The following CLSTN2 variants were observed in gnomAD, a reference collection of about 807,000 sequenced individuals.
The protein encoded by CLSTN2 is calsyntenin 2, also known as calsyntenin-2.
In CLSTN2, 48 loss-of-function variants were observed where a neutral mutation model predicts 101.2. The observed-to-expected ratio is 0.47, with a 90% confidence interval of 0.38 to 0.60. The LOEUF is 0.60. CLSTN2 is among the 20% of genes least tolerant of loss of function. The probability of loss-of-function intolerance (pLI) is 0.00; values close to 1 mark genes in which losing one functional copy is unlikely to be tolerated. For synonymous variants in CLSTN2, 481 were observed against 463.6 expected (o/e 1.04, Z -0.48); for missense variants, 1,160 against 1,238.2 (o/e 0.94, Z 0.95).
At chr3:140,139,966 A>G (rs905224202) in intron 1 of CLSTN2, among the ~76,000 whole-genome samples, 1 of 152,226 alleles carries the variant, frequency 6.6e-6, no homozygotes, top group Non-Finnish European at 1.5e-5. Flanking sequence ...AAGAGGGAAC[A>G]GTGGCATGTA....
At chr3:140,259,315 A>C (rs189041173) in intron 2 of CLSTN2, among the ~76,000 whole-genome samples, 1 of 152,126 alleles carries the variant, frequency 6.6e-6, no homozygotes, top group African/African-American at 2.4e-5. Flanking sequence ...CTCTACTAAA[A>C]ATACAAAAAT....
intron 2 of CLSTN2, among the ~76,000 whole-genome samples, chr3:140,300,695 C>G (rs2087049766): frequency 6.6e-6 from 1 of 152,100 alleles, no homozygotes; most frequent in African/African-American, 2.4e-5. Context: ...ACTCTTTCAA[C>G]TCAAGATATC....
chr3:140,031,959 A>T (rs575179809), intron 1 of CLSTN2, among the ~76,000 whole-genome samples: 49 of 152,208 alleles, frequency 3.2e-4, no homozygotes, highest in Non-Finnish European at 6.2e-4. Flanking sequence ...AAGAGGTTAG[A>T]CTCCAGGGTT....
chr3:140,541,617 G>A (rs536256499), intron 9 of CLSTN2, among the ~76,000 whole-genome samples: 7 of 152,260 alleles, frequency 4.6e-5, no homozygotes, highest in East Asian at 1.9e-4. Flanking sequence ...AGGAACATCC[G>A]TGGTCCATCT....
chr3:140,386,215 G>A (rs1009387970), intron 2 of CLSTN2, among the ~76,000 whole-genome samples: 2 of 152,206 alleles, frequency 1.3e-5, no homozygotes, highest in Non-Finnish European at 2.9e-5. Context: ...ATTGAGACAG[G>A]AGAAGTTAAC....
intron 1 of CLSTN2, among the ~76,000 whole-genome samples, chr3:140,175,647 C>T (rs774751744): frequency 3.3e-5 from 5 of 152,118 alleles, no homozygotes; most frequent in Non-Finnish European, 7.4e-5. Flanking sequence ...ACTGGGTATC[C>T]AGACATACAA....
chr3:140,402,560 C>T lies in CLSTN2; in HGVS notation c.233-1069C>T, dbSNP rs140082626. Among the ~76,000 whole-genome samples, 763 of 152,270 alleles carry T rather than the reference C, an allele frequency of 5.0e-3. 3 individuals are homozygous for T. The highest frequency in any genetic ancestry group is 6.4e-3 in the Non-Finnish European group (433 of 68,020). ...CTTCTCTTCACTGTGTCAGCTCTTA[C>T]GAATAGTTGGGCAGGACCTGGACTA... is the stretch of plus-strand genomic sequence containing the variant. On this transcript the variant is annotated intron_variant, in intron 2 of 16. Transcript: ENST00000458420.
intron 2 of CLSTN2, among the ~76,000 whole-genome samples, chr3:140,269,505 G>A (rs779195471): frequency 3.2e-4 from 48 of 152,138 alleles, no homozygotes; most frequent in Non-Finnish European, 6.5e-4. Context: ...GATTAGACTT[G>A]GTATTAATTA....
intron 1 of CLSTN2, among the ~76,000 whole-genome samples, chr3:140,029,302 A>C (rs1446883655): frequency 6.6e-6 from 1 of 152,212 alleles, no homozygotes; most frequent in African/African-American, 2.4e-5. Flanking sequence ...ATTCTTTGCC[A>C]ATTCTTTTCC....
At chr3:140,481,855 C>T (rs1354017843) in intron 8 of CLSTN2, among the ~76,000 whole-genome samples, 3 of 152,192 alleles carry the variant, frequency 2.0e-5, no homozygotes, top group East Asian at 1.9e-4. Flanking sequence ...TGGGCTGAGA[C>T]GATGGGGTTT....
chr3:140,344,727 T>A (rs1313916067), intron 2 of CLSTN2, among the ~76,000 whole-genome samples: 1 of 152,150 alleles, frequency 6.6e-6, no homozygotes, highest in Non-Finnish European at 1.5e-5. Context: ...CTTGCACATA[T>A]AAACCTCATC....
chr3:140,496,828 C>A (rs552644028), intron 8 of CLSTN2, among the ~76,000 whole-genome samples: 1 of 152,182 alleles, frequency 6.6e-6, no homozygotes, highest in Non-Finnish European at 1.5e-5. Flanking sequence ...TCTAGCCGGG[C>A]GCGGTGGCTC....
At chr3:140,338,053 C>T (rs1159410545) in intron 2 of CLSTN2, among the ~76,000 whole-genome samples, 1 of 152,120 alleles carries the variant, frequency 6.6e-6, no homozygotes, top group Admixed American at 6.5e-5. Context: ...ATTGAAAATG[C>T]TAATTTCTAG....
At chr3:140,263,497 G>A (rs1279099337) in intron 2 of CLSTN2, among the ~76,000 whole-genome samples, 1 of 152,148 alleles carries the variant, frequency 6.6e-6, no homozygotes. Flanking sequence ...TAGAAGGAGG[G>A]CCCTAAGCTT....
intron 8 of CLSTN2, among the ~76,000 whole-genome samples, chr3:140,499,110 C>T (rs1224991377): frequency 6.6e-6 from 1 of 152,122 alleles, no homozygotes; most frequent in African/African-American, 2.4e-5. Flanking sequence ...AGCTGTGGCT[C>T]AGTAATATAA....
intron 5 of CLSTN2, among the ~76,000 whole-genome samples, chr3:140,428,095 C>T (rs1031445561): frequency 1.3e-5 from 2 of 152,202 alleles, no homozygotes; most frequent in Non-Finnish European, 2.9e-5. Flanking sequence ...CTGAGCCCTC[C>T]TTACAGGGGC....
chr3:140,236,216 A>T (rs1437365333), intron 2 of CLSTN2, among the ~76,000 whole-genome samples: 1 of 152,216 alleles, frequency 6.6e-6, no homozygotes, highest in African/African-American at 2.4e-5. Context: ...TAAGAATTTT[A>T]AAATAATAAT....
Position 140,195,493 on chromosome 3 carries a change from G to T in CLSTN2, c.232+19420G>T, listed in dbSNP as rs2010631000. Reference sequence around the variant, plus strand: ...GGGTTTTAGTTTTACTTAGTGGGAAGAATAGTTAAGAAAAATAAAGCTAAT... The same window carrying T: ...GGGTTTTAGTTTTACTTAGTGGGAATAATAGTTAAGAAAAATAAAGCTAAT... On this transcript the variant is annotated intron_variant, in intron 2 of 16. Coordinates refer to ENST00000458420, the MANE Select transcript of CLSTN2 (RefSeq NM_022131.3). 2.0e-5 allele frequency among the ~76,000 whole-genome samples: 3 copies of T among 151,878 alleles called. No homozygotes were observed. In the South Asian group the frequency reaches 6.2e-4, roughly 32 times the overall value.
intron 2 of CLSTN2, among the ~76,000 whole-genome samples, chr3:140,323,490 T>C (rs986714424): frequency 1.3e-5 from 2 of 152,202 alleles, no homozygotes; most frequent in African/African-American, 4.8e-5. Context: ...GCCTCATAGA[T>C]AAAATGATTG....
Sources: allele counts gnomAD v4.1 joint callset (sites outside exome capture counted in the v4.1 genomes callset), GRCh38; gene constraint gnomAD v4.1.1; transcripts MANE v1.5; gene names NCBI Gene and HGNC (gene_info 2026-07-23, HGNC 2026-07-21).